KCNQ1: variants seen among roughly 807,000 people sequenced by gnomAD.
The protein encoded by KCNQ1 is potassium voltage-gated channel subfamily Q member 1, also known as potassium voltage-gated channel subfamily KQT member 1.
A neutral mutation model predicts 72.4 loss-of-function variants in KCNQ1; 49 were observed. The observed-to-expected ratio is 0.68, with a 90% confidence interval of 0.54 to 0.86. The LOEUF (loss-of-function observed/expected upper bound fraction) is 0.86, where lower values mean the gene tolerates loss of function less well. Among genes scored for constraint, KCNQ1 ranks in the 40% least tolerant of loss-of-function variants. KCNQ1 has a pLI of 0.00. For synonymous variants in KCNQ1, 450 were observed against 412.6 expected (o/e 1.09, Z -1.10); for missense variants, 790 against 945.1 (o/e 0.84, Z 2.15).
rs767605037 is a variant in KCNQ1, at chr11:2,707,472, C to G, written c.1514+45391C>G. Among the ~76,000 whole-genome samples the G allele has an allele frequency of 5.4e-4, 82 of 152,136 alleles. 3 individuals are homozygous for G. The highest frequency in any genetic ancestry group is 1.9e-4 in the Non-Finnish European group (13 of 68,020). On this transcript the variant is annotated intron_variant, in intron 11 of 15. Coordinates refer to ENST00000155840, the MANE Select transcript of KCNQ1 (RefSeq NM_000218.3). ...ACTGTGCCCCCACCCCACCCCCAGGCAGCCCCTGCCTCCAACCTTACTCCT... is the reference window on the plus strand; with the variant it reads ...ACTGTGCCCCCACCCCACCCCCAGGGAGCCCCTGCCTCCAACCTTACTCCT...
intron 10 of KCNQ1, among the ~76,000 whole-genome samples, chr11:2,606,003 T>G (rs1213364982): frequency 1.3e-5 from 2 of 152,262 alleles, no homozygotes; most frequent in Admixed American, 1.3e-4. Flanking sequence ...GTTAAACTTA[T>G]TCCCAAGGTA....
In KCNQ1 at chr11:2,752,885, G is replaced by A. The variant is rs1277493292; in HGVS notation, c.1515-15959G>A. 6.6e-6 allele frequency among the ~76,000 whole-genome samples: 1 copy of A among 152,140 alleles called. No homozygotes were observed. The highest frequency in any genetic ancestry group is 1.5e-5 in the Non-Finnish European group (1 of 68,038). Reference sequence around the variant, plus strand: ...AGTTCCCTTTGCTGAATCTGTTTCAGCCACCTCTCCCGAGGATCCTCGCAC... The same window carrying A: ...AGTTCCCTTTGCTGAATCTGTTTCAACCACCTCTCCCGAGGATCCTCGCAC... On this transcript the variant is annotated intron_variant, in intron 11 of 15. Transcript: ENST00000155840. This position sits in a 1 kb window ranked among gnomAD's most constrained non-coding sequence, Gnocchi z 5.2.
chr11:2,814,297 GGATGGATA>G (rs1247283762), intron 15 of KCNQ1, among the ~76,000 whole-genome samples: 169 of 146,246 alleles, frequency 1.2e-3, no homozygotes, highest in African/African-American at 3.7e-3. Flanking sequence ...ATGGATGGAT[GGATGGATA>G]GATGGATGGA....
At chr11:2,604,661 C>T (rs1396729288) in intron 10 of KCNQ1, among the ~76,000 whole-genome samples, 4 of 151,858 alleles carry the variant, frequency 2.6e-5, no homozygotes, top group Non-Finnish European at 5.9e-5. Context: ...TCCTCTGCCT[C>T]AGCCTCCCAA....
Position 2,446,836 on chromosome 11 carries a change from G to A in KCNQ1, c.386+1352G>A, listed in dbSNP as rs780442118. 7.2e-5 allele frequency among the ~76,000 whole-genome samples: 11 copies of A among 152,232 alleles called. No individual in the cohort carries two copies. The highest frequency in any genetic ancestry group is 1.2e-4 in the Non-Finnish European group (8 of 68,046). Reference sequence around the variant, plus strand: ...TCTGTGAGAGGAGCTGGCTCTGCTCGTGGCTGCAACAGCGGGGGCTCGGCT... The same window carrying A: ...TCTGTGAGAGGAGCTGGCTCTGCTCATGGCTGCAACAGCGGGGGCTCGGCT... On this transcript the variant is annotated intron_variant, in intron 1 of 15. Coordinates refer to ENST00000155840, the MANE Select transcript of KCNQ1 (RefSeq NM_000218.3). This position sits in a 1 kb window ranked among gnomAD's most constrained non-coding sequence, Gnocchi z 8.8.
chr11:2,452,183 T>C (rs1846127113), intron 1 of KCNQ1, among the ~76,000 whole-genome samples: 1 of 152,166 alleles, frequency 6.6e-6, no homozygotes, highest in African/African-American at 2.4e-5. Context: ...TCCAAAATCA[T>C]ACTCTGGGGC....
chr11:2,749,106 G>A (rs559056507), intron 11 of KCNQ1, among the ~76,000 whole-genome samples: 5 of 152,340 alleles, frequency 3.3e-5, no homozygotes, highest in South Asian at 4.1e-4. Context: ...ACATGGGGCC[G>A]CAGGAGGAAG....
At position 2,698,341 on chromosome 11, in the gene KCNQ1, T is replaced by C. The variant is rs1850713551; in HGVS notation, c.1514+36260T>C. On this transcript the variant is annotated intron_variant, in intron 11 of 15. Coordinates refer to ENST00000155840, the MANE Select transcript of KCNQ1 (RefSeq NM_000218.3). The surrounding 1 kb of genome is among the most constrained non-coding windows in gnomAD (Gnocchi z 5.1). ...CAGTGCTGTGGGAAGGCACTCTTAC[T>C]CTCAATTTTATATAAAAGGCTATTT... 1 of 398,622 alleles carries C rather than the reference T, an allele frequency of 2.5e-6. No individual in the cohort carries two copies. The highest frequency in any genetic ancestry group is 4.4e-6 in the Non-Finnish European group (1 of 226,070). The allele number at this position is 398,622 out of a possible 1,614,324, so 24.7% of individuals were successfully genotyped here.
intron 14 of KCNQ1, 98 bp downstream of exon 14, chr11:2,777,130 A>G: frequency 5.1e-6 from 6 of 1,176,282 alleles, no homozygotes; most frequent in Non-Finnish European, 7.5e-6. Context: ...AGAATGGGCC[A>G]TTGCACCTCC....
Position 2,698,162 on chromosome 11 carries a change from G to C in KCNQ1, c.1514+36081G>C, listed in dbSNP as rs1290078982. 2.5e-6 allele frequency: 1 copy of C among 398,582 alleles called. No individual in the cohort carries two copies. The allele number at this position is 398,582 out of a possible 1,614,324, so 24.7% of individuals were successfully genotyped here. On this transcript the variant is annotated intron_variant, in intron 11 of 15. Transcript: ENST00000155840. This position sits in a 1 kb window ranked among gnomAD's most constrained non-coding sequence, Gnocchi z 5.1. ...GAAAACAAAACAGAGTTCCTCGTTG[G>C]GAGCTTTTGGTCTAGCAAAAGGGGC...
At position 2,677,303 on chromosome 11, in the gene KCNQ1, A is replaced by C; in HGVS notation, c.1514+15222A>C. 2.5e-6 allele frequency: 1 copy of C among 398,630 alleles called. No individual in the cohort carries two copies. The highest frequency in any genetic ancestry group is 4.4e-6 in the Non-Finnish European group (1 of 226,056). The allele number at this position is 398,630 out of a possible 1,614,324, so 24.7% of individuals were successfully genotyped here. A position where few individuals can be genotyped will look rare whatever the true frequency, so the allele number is the denominator to read the frequency against. Reference sequence around the variant, plus strand: ...TCTTGTCAAAATAGGAGATTTCATCAAGTTAAAGAAAATGATGTCAAATGA... The same window carrying C: ...TCTTGTCAAAATAGGAGATTTCATCCAGTTAAAGAAAATGATGTCAAATGA... On this transcript the variant is annotated intron_variant, in intron 11 of 15. Coordinates refer to ENST00000155840, the MANE Select transcript of KCNQ1 (RefSeq NM_000218.3). This position sits in a 1 kb window ranked among gnomAD's most constrained non-coding sequence, Gnocchi z 4.5.
At chr11:2,584,755 C>T (rs1214319121) in intron 7 of KCNQ1, among the ~76,000 whole-genome samples, 1 of 152,090 alleles carries the variant, frequency 6.6e-6, no homozygotes, top group Non-Finnish European at 1.5e-5. Flanking sequence ...ACGTGCACCA[C>T]GTGATCTCCT....
At chr11:2,490,678 G>C (rs532343739) in intron 1 of KCNQ1, among the ~76,000 whole-genome samples, 54 of 152,294 alleles carry the variant, frequency 3.5e-4, no homozygotes, top group Non-Finnish European at 2.4e-4. Context: ...GACCACCAAG[G>C]CAGTATTTTT....
rs1850370793 is a variant in KCNQ1 at position 2,680,234 on chromosome 11, T to G, written c.1514+18153T>G. 7.5e-6 allele frequency: 3 copies of G among 397,386 alleles called. No homozygotes were observed. The South Asian group carries it at 3.8e-4, about 51-fold the overall frequency. 24.6% of individuals were successfully genotyped at this position (397,386 alleles called of 1,614,324 possible). Reference sequence around the variant, plus strand: ...AAAAAAAAAAAAAAAAAAAGTTGTCTATCTGTGTGTATATTCATATCCCAT... The same window carrying G: ...AAAAAAAAAAAAAAAAAAAGTTGTCGATCTGTGTGTATATTCATATCCCAT... On this transcript the variant is annotated intron_variant, in intron 11 of 15. Coordinates refer to ENST00000155840, the MANE Select transcript of KCNQ1 (RefSeq NM_000218.3).
intron 15 of KCNQ1, among the ~76,000 whole-genome samples, chr11:2,846,486 C>T (rs1053333184): frequency 1.3e-5 from 2 of 152,240 alleles, no homozygotes. Flanking sequence ...GCCCTGTCTC[C>T]TGTGGCCACC....
chr11:2,602,429 A>C lies in KCNQ1; in HGVS notation c.1393+13575A>C, dbSNP rs1848821337. 6.6e-6 allele frequency among the ~76,000 whole-genome samples: 1 copy of C among 152,226 alleles called. No homozygotes were observed. The highest frequency in any genetic ancestry group is 1.5e-5 in the Non-Finnish European group (1 of 68,038). On this transcript the variant is annotated intron_variant, in intron 10 of 15. Transcript: ENST00000155840. The surrounding 1 kb of genome is among the most constrained non-coding windows in gnomAD (Gnocchi z 4.8). ...TAAGTTTTTATTTCTTTGGGATAAA[A>C]GCCCAAGCTTGTAATTGCTGAGTTG...
In KCNQ1 at chr11:2,621,590, T is replaced by C. The variant is rs544435940; in HGVS notation, c.1393+32736T>C. 5.0e-6 allele frequency: 2 copies of C among 398,564 alleles called. No individual in the cohort carries two copies. Among genetic ancestry groups the C allele is most frequent in the East Asian group, 3.6e-5 (1 of 28,050 alleles). 24.7% of individuals were successfully genotyped at this position (398,564 alleles called of 1,614,324 possible). ...TTGCTATTGGTCTGTTCAGGCTTTC[T>C]ATTCCTGATTTAATCTTAGCAGGTT... On this transcript the variant is annotated intron_variant, in intron 10 of 15. Coordinates refer to ENST00000155840, the MANE Select transcript of KCNQ1 (RefSeq NM_000218.3). This position sits in a 1 kb window ranked among gnomAD's most constrained non-coding sequence, Gnocchi z 5.7.
At position 2,600,752 on chromosome 11, in the gene KCNQ1, T is replaced by C. The variant is rs1848792817; in HGVS notation, c.1393+11898T>C. ...GGTCAGTACTGCCTTTAGATGTGTC[T>C]CTTCAGTCTTGTTTAATCTGGAACA... On this transcript the variant is annotated intron_variant, in intron 10 of 15. Coordinates refer to ENST00000155840, the MANE Select transcript of KCNQ1 (RefSeq NM_000218.3). The surrounding 1 kb of genome is among the most constrained non-coding windows in gnomAD (Gnocchi z 5.6). Among the ~76,000 whole-genome samples the C allele has an allele frequency of 6.6e-6, 1 of 152,198 alleles. No homozygotes were observed. Among genetic ancestry groups the C allele is most frequent in the African/African-American group, 2.4e-5 (1 of 41,444 alleles).
chr11:2,846,796 TG>T (rs1460980162), intron 15 of KCNQ1, among the ~76,000 whole-genome samples: 6 of 152,378 alleles, frequency 3.9e-5, no homozygotes, highest in East Asian at 1.9e-4. Context: ...TCCACTCGTT[TG>T]GGGCTTCTCT....
Sources: gnomAD v4.1 joint callset for allele counts (sites outside exome capture counted in the v4.1 genomes callset) on GRCh38, gnomAD v4.1.1 for gene constraint, Gnocchi (gnomAD v3.1) non-coding constraint, MANE v1.5 for transcripts, NCBI Gene and HGNC (gene_info 2026-07-23, HGNC 2026-07-21) for gene names.